ACYP2: variants seen among roughly 807,000 people sequenced by gnomAD.
ACYP2 encodes acylphosphatase 2, also known as acylphosphatase-2.
A neutral mutation model predicts 11.2 loss-of-function variants in ACYP2; 12 were observed. The ratio of observed to expected loss-of-function variants is 1.08; its 90% confidence interval spans 0.69 to 1.74. ACYP2 has a LOEUF of 1.74. Among genes scored for constraint, ACYP2 ranks in the 40% most tolerant of loss-of-function variants. The pLI, the probability that ACYP2 is intolerant of heterozygous loss-of-function variation, is 0.00. For missense variants in ACYP2, 134 were observed against 101.9 expected, an observed-to-expected ratio of 1.31 and a Z score of -1.35; for synonymous variants, 43 against 32.2, an observed-to-expected ratio of 1.33 and a Z score of -1.13.
At chr2:53,971,633 A>G (rs1671125718) in intron 1 of ACYP2, among the ~76,000 whole-genome samples, 2 of 152,216 alleles carry the variant, frequency 1.3e-5, no homozygotes, top group Admixed American at 1.3e-4. Flanking sequence ...TTAGTCTAGC[A>G]GAGATAAAGA....
intron 4 of ACYP2, 63 bp from the exon 2 acceptor site, chr2:54,135,390 G>T: frequency 6.6e-7 from 1 of 1,519,466 alleles, no homozygotes; most frequent in South Asian, 1.2e-5. Context: ...AGTTAAGTCA[G>T]GAAACATATA....
intron 2 of ACYP2, among the ~76,000 whole-genome samples, chr2:53,991,245 T>C (rs926442013): frequency 1.3e-5 from 2 of 152,234 alleles, no homozygotes; most frequent in Non-Finnish European, 2.9e-5. Flanking sequence ...AGTTTGCTTA[T>C]CCATTCATCT....
intron 6 of ACYP2, among the ~76,000 whole-genome samples, chr2:54,162,821 C>CA (rs1682780388): frequency 6.6e-6 from 1 of 151,888 alleles, no homozygotes; most frequent in African/African-American, 2.4e-5. Context: ...AAAACAACAA[C>CA]AACAAAAAAT....
At chr2:54,196,921 G>A (rs1456129115) in intron 6 of ACYP2, among the ~76,000 whole-genome samples, 1 of 152,208 alleles carries the variant, frequency 6.6e-6, no homozygotes, top group Non-Finnish European at 1.5e-5. Flanking sequence ...AGTAGTACTG[G>A]TGGAATTTTC....
intron 2 of ACYP2, among the ~76,000 whole-genome samples, chr2:53,987,724 A>T (rs1438109567): frequency 6.6e-6 from 1 of 152,198 alleles, no homozygotes; most frequent in Non-Finnish European, 1.5e-5. Context: ...TCTTCTAATG[A>T]GTAATGATGT....
intron 2 of ACYP2, among the ~76,000 whole-genome samples, chr2:54,030,139 C>A (rs1204968711): frequency 6.6e-6 from 1 of 152,158 alleles, no homozygotes; most frequent in Non-Finnish European, 1.5e-5. Context: ...AAAATGCTTG[C>A]TAAGTCTGAT....
intron 6 of ACYP2, among the ~76,000 whole-genome samples, chr2:54,176,716 G>A (rs776326630): frequency 4.6e-5 from 7 of 152,136 alleles, no homozygotes; most frequent in Non-Finnish European, 7.3e-5. Flanking sequence ...TAGTTGCTCA[G>A]TGCCTGGAGT....
At chr2:54,238,094 A>C (rs1686574944) in intron 6 of ACYP2, among the ~76,000 whole-genome samples, 1 of 152,184 alleles carries the variant, frequency 6.6e-6, no homozygotes, top group African/African-American at 2.4e-5. Flanking sequence ...GTCTCTGCTC[A>C]AATGTGGCCT....
chr2:54,245,233 T>C (rs1686896200), intron 6 of ACYP2, among the ~76,000 whole-genome samples: 1 of 152,210 alleles, frequency 6.6e-6, no homozygotes, highest in Admixed American at 6.5e-5. Context: ...TATGGCTGAA[T>C]TGTGTTCCAT....
Position 54,276,656 on chromosome 2 carries a change from CA to C in ACYP2, c.405-28031del, listed in dbSNP as rs1280077359. Among the ~76,000 whole-genome samples the C allele has an allele frequency of 2.4e-3, 317 of 130,500 alleles. 3 individuals are homozygous for C. The highest frequency in any genetic ancestry group is 9.6e-3 in the African/African-American group (299 of 31,218). 85.6% of individuals were successfully genotyped at this position (130,500 alleles called of 152,430 possible). On this transcript the variant is annotated intron_variant, in intron 6 of 6. Transcript: ENST00000607452. ...ACACACACACACACACACACACACA[CA>C]CACACCACACACAAGAAAAATTGTT...
chr2:54,213,250 T>A (rs2103934629), intron 6 of ACYP2, among the ~76,000 whole-genome samples: 1 of 152,342 alleles, frequency 6.6e-6, no homozygotes, highest in African/African-American at 2.4e-5. Flanking sequence ...TCTATCCATG[T>A]TGCTGCAAAG....
intron 2 of ACYP2, among the ~76,000 whole-genome samples, chr2:54,044,824 G>C (rs924012834): frequency 6.6e-6 from 1 of 152,092 alleles, no homozygotes; most frequent in Non-Finnish European, 1.5e-5. Flanking sequence ...AGTGGCTGAA[G>C]GTTTGTTGTT....
intron 4 of ACYP2, among the ~76,000 whole-genome samples, chr2:54,095,018 G>T (rs1678442635): frequency 6.8e-6 from 1 of 146,022 alleles, no homozygotes; most frequent in African/African-American, 2.5e-5. Context: ...GTTTTCCTAG[G>T]CAGAGGACCC....
chr2:54,160,947 A>G (rs755685683), intron 6 of ACYP2, among the ~76,000 whole-genome samples: 5 of 152,230 alleles, frequency 3.3e-5, no homozygotes, highest in Admixed American at 6.5e-5. Context: ...AGATTGGAAA[A>G]TATAATTTTA....
At chr2:54,000,506 G>C (rs532905934) in intron 2 of ACYP2, among the ~76,000 whole-genome samples, 21 of 152,188 alleles carry the variant, frequency 1.4e-4, no homozygotes, top group Admixed American at 4.6e-4. Context: ...AGAAAAACCT[G>C]TGTCAGTCAG....
At chr2:54,030,154 C>T (rs1656303370) in intron 2 of ACYP2, among the ~76,000 whole-genome samples, 2 of 152,170 alleles carry the variant, frequency 1.3e-5, no homozygotes, top group African/African-American at 4.8e-5. Flanking sequence ...TCTGATTAAA[C>T]TGTGGGGGCC....
chr2:54,030,552 G>A (rs937635713), intron 2 of ACYP2: 25 of 154,424 alleles, frequency 1.6e-4, no homozygotes, highest in Non-Finnish European at 1.9e-4. Context: ...AGCCCCGTCT[G>A]TGCAATTGTC....
At chr2:54,256,812 G>T (rs913860220) in intron 6 of ACYP2, among the ~76,000 whole-genome samples, 6 of 145,420 alleles carry the variant, frequency 4.1e-5, no homozygotes, top group Admixed American at 1.4e-4. Context: ...CGGTTTTTTT[G>T]TTTGTTTGTT....
At chr2:54,182,913 G>T (rs1336818595) in intron 6 of ACYP2, among the ~76,000 whole-genome samples, 1 of 152,128 alleles carries the variant, frequency 6.6e-6, no homozygotes, top group Non-Finnish European at 1.5e-5. Flanking sequence ...CATATGGAAA[G>T]GATAAAGGAT....
Sources: gnomAD v4.1 joint callset for allele counts (sites outside exome capture counted in the v4.1 genomes callset) on GRCh38, gnomAD v4.1.1 for gene constraint, MANE v1.5 for transcripts, NCBI Gene and HGNC (gene_info 2026-07-23, HGNC 2026-07-21) for gene names.